Variants in SNX14 observed in about 807,000 individuals in gnomAD.
The protein encoded by SNX14 is sorting nexin-14.
A neutral mutation model predicts 133.8 loss-of-function variants in SNX14; 93 were observed. That is an observed-to-expected ratio of 0.70 (90% confidence interval 0.59 to 0.83). SNX14 has a LOEUF of 0.83. Ranked by LOEUF, SNX14 falls within the 40% of genes least tolerant of loss-of-function variation. The probability of loss-of-function intolerance (pLI) is 0.00; values close to 1 mark genes in which losing one functional copy is unlikely to be tolerated. For synonymous variants in SNX14, 368 were observed against 365.6 expected (o/e 1.01, Z -0.07); for missense variants, 945 against 1,094.9 (o/e 0.86, Z 1.93).
At chr6:85,574,486 G>T in intron 1 of SNX14, 108 bp from the exon 2 acceptor site, 1 of 683,010 alleles carries the variant, frequency 1.5e-6, no homozygotes, top group Non-Finnish European at 2.2e-6. Flanking sequence ...ATATCAGATT[G>T]AAGCAATTTT....
chr6:85,558,383 G>A (rs1361155601), intron 6 of SNX14, among the ~76,000 whole-genome samples: 2 of 152,162 alleles, frequency 1.3e-5, no homozygotes, highest in Admixed American at 6.5e-5. Flanking sequence ...TCCCTTTGAT[G>A]CTGTACATTT....
chr6:85,574,533 C>T (rs1043004924), intron 1 of SNX14, among the ~76,000 whole-genome samples, 155 bp from the exon 2 acceptor site: 1 of 151,982 alleles, frequency 6.6e-6, no homozygotes, highest in Non-Finnish European at 1.5e-5. Flanking sequence ...GTATTAAATA[C>T]AAGAATCATA....
intron 15 of SNX14, among the ~76,000 whole-genome samples, chr6:85,540,931 G>T (rs986564859): frequency 5.3e-5 from 8 of 151,046 alleles, no homozygotes; most frequent in African/African-American, 1.9e-4. Flanking sequence ...GATCAGAAAT[G>T]AAAATGAAAG....
chr6:85,512,371 C>A (rs1452666860), intron 26 of SNX14, among the ~76,000 whole-genome samples: 1 of 152,032 alleles, frequency 6.6e-6, no homozygotes, highest in African/African-American at 2.4e-5. Context: ...CCTGTAACCC[C>A]AGCACTTTTG....
In SNX14 at chr6:85,579,463, T is replaced by C. The variant is rs558419452; in HGVS notation, c.141-5085A>G. Among the ~76,000 whole-genome samples the C allele has an allele frequency of 6.6e-5, 10 of 152,264 alleles. No homozygotes were observed. The East Asian group carries it at 1.9e-3, about 29-fold the overall frequency. On this transcript the variant is annotated intron_variant, in intron 1 of 28. Transcript: ENST00000314673. Reference sequence around the variant, plus strand: ...TAAGAATCAAAAACCAGGTGACTGATCACAGTACATGATTTTAACTTCATA... The same window carrying C: ...TAAGAATCAAAAACCAGGTGACTGACCACAGTACATGATTTTAACTTCATA...
chr6:85,593,275 G>A (rs1404354707), intron 1 of SNX14, among the ~76,000 whole-genome samples: 1 of 152,172 alleles, frequency 6.6e-6, no homozygotes, highest in African/African-American at 2.4e-5. Context: ...AATTTGAGCC[G>A]ACACACGGAT....
intron 18 of SNX14, among the ~76,000 whole-genome samples, chr6:85,530,606 T>C (rs1324426067): frequency 2.0e-5 from 3 of 149,596 alleles, no homozygotes; most frequent in East Asian, 2.0e-4. Context: ...GATTGCGCCA[T>C]TGCACTCCAG....
In SNX14 at chr6:85,593,632, C is replaced by T. The variant is rs1191923776; in HGVS notation, c.87G>A (p.Pro29=). 6.2e-7 allele frequency: 1 copy of T among 1,612,666 alleles called. No individual in the cohort carries two copies. Among genetic ancestry groups the T allele is most frequent in the East Asian group, 2.2e-5 (1 of 44,862 alleles). Residue 29 remains proline, a synonymous_variant, in exon 1 of 29, where the codon CCG becomes CCA. Transcript: ENST00000314673. ...GACAGAGCAGCAGGAAGCAGAACAG[C>T]GGGTACTGGCGGCAGATCTCGCGTC... ...DVGREICRQY[P]LFCFLLLCLS...
chr6:85,571,151 G>A (rs1363067450), intron 4 of SNX14, among the ~76,000 whole-genome samples: 2 of 151,920 alleles, frequency 1.3e-5, no homozygotes, highest in African/African-American at 4.8e-5. Context: ...AGGAGATCAA[G>A]ACCACGTCCT....
chr6:85,547,437 A>G (rs755377809), intron 10 of SNX14, 40 bp from the exon 11 acceptor site: 12 of 1,606,924 alleles, frequency 7.5e-6, no homozygotes, highest in African/African-American at 2.7e-5. Context: ...TAAAATTCCC[A>G]CTTGATTTGA....
At chr6:85,569,121 A>G (rs1470203069) in intron 4 of SNX14, among the ~76,000 whole-genome samples, 1 of 152,028 alleles carries the variant, frequency 6.6e-6, no homozygotes, top group East Asian at 1.9e-4. Context: ...TGCCACCACA[A>G]CCAGCTAATT....
intron 18 of SNX14, among the ~76,000 whole-genome samples, chr6:85,530,504 G>T (rs71570764): frequency 2.0e-5 from 3 of 151,890 alleles, no homozygotes; most frequent in Non-Finnish European, 2.9e-5. Flanking sequence ...AATTAGCCAG[G>T]TGTGGTGGCA....
Position 85,558,056 on chromosome 6 carries a change from T to G in SNX14, c.554A>C (p.Asp185Ala), listed in dbSNP as rs767645399. 2.0e-6 allele frequency: 3 copies of G among 1,514,046 alleles called. No individual in the cohort carries two copies. Among genetic ancestry groups the G allele is most frequent in the South Asian group, 2.3e-5 (2 of 86,240 alleles). The allele number at this position is 1,514,046 out of a possible 1,614,324, so 93.8% of individuals were successfully genotyped here. A position where few individuals can be genotyped will look rare whatever the true frequency, so the allele number is the denominator to read the frequency against. The part of the protein sequence containing the change: ...SVLIRRIHKV[D>A]IPSIITKKLL... ...TTTCTTGGTTATAATAGATGGAATA[T>G]CCACCTAGAAAAATTCAAGATTAAA... is the stretch of plus-strand genomic sequence containing the variant. Residue 185 changes from aspartate (D) to alanine (A), a missense_variant, in exon 7 of 29, where the codon GAT becomes GCT. Physicochemically the swap from Asp to Ala is moderately radical, Grantham distance 126. Coordinates refer to ENST00000314673, the MANE Select transcript of SNX14 (RefSeq NM_153816.6).
chr6:85,517,656 T>A, intron 23 of SNX14, 100 bp downstream of exon 23: 1 of 1,359,776 alleles, frequency 7.4e-7, no homozygotes, highest in Non-Finnish European at 9.9e-7. Flanking sequence ...TATAGCTCAA[T>A]CCATTTCATT....
chr6:85,542,392 A>G (rs1266951659), intron 14 of SNX14, among the ~76,000 whole-genome samples: 2 of 152,114 alleles, frequency 1.3e-5, no homozygotes, highest in Non-Finnish European at 2.9e-5. Context: ...TATTTTATTT[A>G]TTCATTTATT....
At chr6:85,539,984 G>T (rs200580952) in intron 15 of SNX14, among the ~76,000 whole-genome samples, 5 of 51,510 alleles carry the variant, frequency 9.7e-5, no homozygotes, top group African/African-American at 3.0e-4. Context: ...TATTTTAATT[G>T]AGGCGGAGTC....
chr6:85,590,612 A>C (rs1427104061), intron 1 of SNX14, among the ~76,000 whole-genome samples: 3 of 152,192 alleles, frequency 2.0e-5, no homozygotes, highest in Non-Finnish European at 4.4e-5. Flanking sequence ...TCCTAAAATT[A>C]TCAAACTATC....
intron 16 of SNX14, 152 bp from the exon 17 acceptor site, chr6:85,537,076 T>TTAAG: frequency 1.5e-6 from 1 of 664,200 alleles, no homozygotes; most frequent in Non-Finnish European, 2.3e-6. Flanking sequence ...CATACACGGA[T>TTAAG]TAAGTATCAA....
At position 85,514,198 on chromosome 6, in the gene SNX14, T is replaced by C; in HGVS notation, c.2429A>G (p.His810Arg). Residue 810 changes from histidine to arginine, a missense_variant, in exon 25 of 29, where the codon CAT becomes CGT. Coordinates refer to ENST00000314673, the MANE Select transcript of SNX14 (RefSeq NM_153816.6). ...GAGGATTCGAGTTCCCATTAAGAGATGATGAAGCCAGTCAGGAACCTGGAA... is the reference window on the plus strand; with the variant it reads ...GAGGATTCGAGTTCCCATTAAGAGACGATGAAGCCAGTCAGGAACCTGGAA... ...VVFQVPDWLH[H>R]LLMGTRILFK... 1.2e-6 allele frequency: 2 copies of C among 1,613,692 alleles called. No homozygotes were observed. Among genetic ancestry groups the C allele is most frequent in the Non-Finnish European group, 1.7e-6 (2 of 1,179,866 alleles).
Sources: gnomAD v4.1 joint callset for allele counts (sites outside exome capture counted in the v4.1 genomes callset) on GRCh38, gnomAD v4.1.1 for gene constraint, MANE v1.5 for transcripts, NCBI Gene and HGNC (gene_info 2026-07-23, HGNC 2026-07-21) for gene names.